Variants in PDE4D observed in about 807,000 individuals in gnomAD.
PDE4D encodes the protein phosphodiesterase 4D.
In PDE4D, 24 loss-of-function variants were observed where a neutral mutation model predicts 87.4. That is an observed-to-expected ratio of 0.27 (90% confidence interval 0.20 to 0.39). The LOEUF (loss-of-function observed/expected upper bound fraction) is 0.39. Among genes scored for constraint, PDE4D ranks in the 10% least tolerant of loss-of-function variants. The probability of loss-of-function intolerance (pLI) is 1.00; values close to 1 mark genes in which losing one functional copy is unlikely to be tolerated. For missense variants in PDE4D, 714 were observed against 1,041.0 expected, an observed-to-expected ratio of 0.69 and a Z score of 4.32; for synonymous variants, 384 against 383.2, an observed-to-expected ratio of 1.00 and a Z score of -0.02.
intron 4 of PDE4D, among the ~76,000 whole-genome samples, chr5:59,181,032 T>C (rs1741415430): frequency 1.3e-5 from 2 of 152,216 alleles, no homozygotes; most frequent in African/African-American, 2.4e-5. Context: ...ATTTTTATTG[T>C]TGGCCTAAAT....
intron 1 of PDE4D, among the ~76,000 whole-genome samples, chr5:59,746,355 T>A (rs764081935): frequency 6.6e-6 from 1 of 152,152 alleles, no homozygotes; most frequent in Non-Finnish European, 1.5e-5. Flanking sequence ...TGAAGATGAC[T>A]GGGCAGACCT....
At chr5:59,089,404 T>C (rs547156364) in intron 5 of PDE4D, among the ~76,000 whole-genome samples, 57 of 152,308 alleles carry the variant, frequency 3.7e-4, no homozygotes, top group African/African-American at 1.4e-3. Context: ...TTTTTATAGA[T>C]GTTCTTGCTC....
intron 1 of PDE4D, among the ~76,000 whole-genome samples, chr5:60,447,469 CAA>C (rs1745734963): frequency 6.6e-6 from 1 of 151,330 alleles, no homozygotes; most frequent in Admixed American, 6.6e-5. Context: ...AAACTACAGA[CAA>C]GAGATTCATC....
At chr5:59,343,583 T>C (rs1582068517) in intron 1 of PDE4D, among the ~76,000 whole-genome samples, 2 of 152,290 alleles carry the variant, frequency 1.3e-5, no homozygotes, top group East Asian at 1.9e-4. Flanking sequence ...TCAATATACA[T>C]TTGTTGGATG....
chr5:59,149,752 A>G (rs539234482), intron 5 of PDE4D, among the ~76,000 whole-genome samples: 1 of 132,880 alleles, frequency 7.5e-6, no homozygotes, highest in East Asian at 2.2e-4. Flanking sequence ...TTTGGTACCA[A>G]GAGTGACTAC....
chr5:59,220,836 G>T (rs1309791512), intron 1 of PDE4D, among the ~76,000 whole-genome samples: 3 of 129,418 alleles, frequency 2.3e-5, no homozygotes, highest in East Asian at 3.9e-4. Context: ...CTTGGATGTG[G>T]TGAATTCTCT....
At chr5:60,222,683 T>C (rs1208655359) in intron 1 of PDE4D, among the ~76,000 whole-genome samples, 2 of 152,148 alleles carry the variant, frequency 1.3e-5, no homozygotes, top group African/African-American at 4.8e-5. Context: ...CTCATAAATG[T>C]ATAGTGGTAT....
At chr5:59,407,719 G>A (rs1791945628) in intron 1 of PDE4D, among the ~76,000 whole-genome samples, 2 of 152,212 alleles carry the variant, frequency 1.3e-5, no homozygotes, top group Admixed American at 1.3e-4. Context: ...GGTCACCCAT[G>A]TTATACCTTA....
chr5:59,535,002 C>G (rs1814894255), intron 1 of PDE4D, among the ~76,000 whole-genome samples: 1 of 148,518 alleles, frequency 6.7e-6, no homozygotes, highest in South Asian at 2.1e-4. Flanking sequence ...GATGCTTATT[C>G]TGCATTACTT....
At chr5:59,427,503 T>C (rs563740970) in intron 1 of PDE4D, among the ~76,000 whole-genome samples, 1 of 152,124 alleles carries the variant, frequency 6.6e-6, no homozygotes, top group South Asian at 2.1e-4. Flanking sequence ...TGGGTGAGGA[T>C]GGGTTAGAAG....
At chr5:59,724,566 A>C (rs931133656) in intron 1 of PDE4D, among the ~76,000 whole-genome samples, 1 of 152,110 alleles carries the variant, frequency 6.6e-6, no homozygotes, top group Non-Finnish European at 1.5e-5. Flanking sequence ...TTGTTTATTT[A>C]TACTTAATTA....
chr5:59,743,119 G>A (rs1395971655), intron 1 of PDE4D, among the ~76,000 whole-genome samples: 1 of 151,944 alleles, frequency 6.6e-6, no homozygotes, highest in Non-Finnish European at 1.5e-5. Context: ...TATAAAGTGG[G>A]GTTTGGGAAG....
chr5:60,210,612 A>C (rs1264745507), intron 1 of PDE4D, among the ~76,000 whole-genome samples: 1 of 152,144 alleles, frequency 6.6e-6, no homozygotes, highest in Non-Finnish European at 1.5e-5. Flanking sequence ...AAAAAAGGAT[A>C]CACCCCCCTC....
At chr5:59,520,948 A>T (rs2153673119) in intron 1 of PDE4D, among the ~76,000 whole-genome samples, 1 of 152,224 alleles carries the variant, frequency 6.6e-6, no homozygotes, top group South Asian at 2.1e-4. Context: ...ATATATATAT[A>T]ATGTATATGA....
chr5:59,771,483 A>AAGAAAGAAAGAAAGAAAG (rs1379469312), intron 1 of PDE4D, among the ~76,000 whole-genome samples: 1 of 54,336 alleles, frequency 1.8e-5, no homozygotes, highest in Non-Finnish European at 3.9e-5. Flanking sequence ...GAAAGAAAGA[A>AAGAAAGAAAGAAAGAAAG]AGAGAGAGAG....
intron 2 of PDE4D, among the ~76,000 whole-genome samples, chr5:60,085,496 C>T (rs148212445): frequency 1.3e-5 from 2 of 152,040 alleles, no homozygotes; most frequent in Non-Finnish European, 2.9e-5. Flanking sequence ...AAGCAAATAG[C>T]CAAGCAGAAT....
intron 1 of PDE4D, among the ~76,000 whole-genome samples, chr5:60,342,068 C>A (rs980956191): frequency 6.6e-6 from 1 of 152,170 alleles, no homozygotes; most frequent in East Asian, 1.9e-4. Flanking sequence ...TTTTCAATCT[C>A]TGCTTGAGAG....
At chr5:59,621,474 CA>C (rs1830348569) in intron 1 of PDE4D, among the ~76,000 whole-genome samples, 1 of 152,182 alleles carries the variant, frequency 6.6e-6, no homozygotes, top group Non-Finnish European at 1.5e-5. Flanking sequence ...TGAATATGAT[CA>C]GAAAGCAAAC....
chr5:59,403,827 A>G (rs777462658), intron 1 of PDE4D, among the ~76,000 whole-genome samples: 5 of 152,188 alleles, frequency 3.3e-5, no homozygotes, highest in Admixed American at 6.5e-5. Context: ...TAGAAGTGGG[A>G]TTGCTGGATC....
Sources: gnomAD v4.1 joint callset for allele counts (sites outside exome capture counted in the v4.1 genomes callset) on GRCh38, gnomAD v4.1.1 for gene constraint, MANE v1.5 for transcripts, NCBI Gene and HGNC (gene_info 2026-07-23, HGNC 2026-07-21) for gene names.